The following SMYD3 variants were observed in gnomAD, a reference collection of about 807,000 sequenced individuals.
The protein encoded by SMYD3 is histone-lysine N-methyltransferase SMYD3.
Under a neutral mutation model 57.7 loss-of-function variants are expected in SMYD3, and 36 were observed. The observed-to-expected ratio is 0.62, with a 90% CI of 0.48 to 0.82. SMYD3 has a LOEUF of 0.82. Among genes scored for constraint, SMYD3 ranks in the 40% least tolerant of loss-of-function variants. SMYD3 has a pLI of 0.00. For missense variants in SMYD3, 515 were observed against 538.8 expected (o/e 0.96, Z 0.44); for synonymous variants, 211 against 195.0 (o/e 1.08, Z -0.68).
At chr1:246,084,381 A>G (rs2060691948) in intron 5 of SMYD3, among the ~76,000 whole-genome samples, 1 of 151,640 alleles carries the variant, frequency 6.6e-6, no homozygotes. Flanking sequence ...ATGCCCAGCT[A>G]TTTTTTGTAT....
chr1:246,145,274 T>C (rs2061825096), intron 5 of SMYD3, among the ~76,000 whole-genome samples: 1 of 152,204 alleles, frequency 6.6e-6, no homozygotes, highest in Non-Finnish European at 1.5e-5. Context: ...GAAAGCGGTA[T>C]AACATCTAAC....
At chr1:246,415,925 T>G (rs1031652127) in intron 1 of SMYD3, among the ~76,000 whole-genome samples, 1 of 152,212 alleles carries the variant, frequency 6.6e-6, no homozygotes, top group Admixed American at 6.5e-5. Context: ...TGTTATGCCT[T>G]GAACTGCATA....
At chr1:245,797,720 AAAAG>A (rs2047602026) in intron 10 of SMYD3, among the ~76,000 whole-genome samples, 1 of 151,872 alleles carries the variant, frequency 6.6e-6, no homozygotes. Flanking sequence ...AAAGAAAAGA[AAAAG>A]AAACGGCCAA....
intron 1 of SMYD3, among the ~76,000 whole-genome samples, chr1:246,467,174 A>T (rs774343446): frequency 5.2e-4 from 79 of 152,188 alleles, no homozygotes; most frequent in South Asian, 2.1e-3. Flanking sequence ...CATCTCAAAA[A>T]AAATAAATAA....
At chr1:246,381,396 T>C (rs1038448007) in intron 1 of SMYD3, among the ~76,000 whole-genome samples, 3 of 152,226 alleles carry the variant, frequency 2.0e-5, no homozygotes, top group Admixed American at 2.0e-4. Context: ...ATGATAAACT[T>C]GGGATGGCAT....
At chr1:246,086,551 G>A (rs1302083728) in intron 5 of SMYD3, among the ~76,000 whole-genome samples, 1 of 140,082 alleles carries the variant, frequency 7.1e-6, no homozygotes, top group African/African-American at 2.7e-5. Flanking sequence ...CTAAGTACTT[G>A]ATGCTTTTTA....
chr1:245,891,950 A>G (rs1243974491), intron 8 of SMYD3, among the ~76,000 whole-genome samples: 2 of 152,134 alleles, frequency 1.3e-5, no homozygotes, highest in Non-Finnish European at 2.9e-5. Flanking sequence ...GGAGGCTGAC[A>G]TGGGAGGATT....
At chr1:245,955,442 T>C (rs991354633) in intron 5 of SMYD3, among the ~76,000 whole-genome samples, 1 of 152,198 alleles carries the variant, frequency 6.6e-6, no homozygotes, top group African/African-American at 2.4e-5. Flanking sequence ...AGCTTTTATA[T>C]CTTTATTCAT....
intron 1 of SMYD3, among the ~76,000 whole-genome samples, chr1:246,460,984 C>T (rs1206755380): frequency 3.9e-5 from 6 of 152,170 alleles, no homozygotes; most frequent in Admixed American, 1.3e-4. Flanking sequence ...TACAAGGCTA[C>T]AAGCCATGAC....
intron 7 of SMYD3, among the ~76,000 whole-genome samples, chr1:245,921,546 G>GATATATATAT (rs2055930181): frequency 4.1e-5 from 1 of 24,592 alleles, no homozygotes; most frequent in Non-Finnish European, 8.9e-5. Context: ...TAAAAAATGT[G>GATATATATAT]GTGTATATAT....
chr1:246,432,393 T>C (rs1472755405), intron 1 of SMYD3, among the ~76,000 whole-genome samples: 1 of 152,188 alleles, frequency 6.6e-6, no homozygotes, highest in Non-Finnish European at 1.5e-5. Flanking sequence ...CACAAAAAGA[T>C]TTTAAAGGAG....
intron 5 of SMYD3, among the ~76,000 whole-genome samples, chr1:246,249,083 A>AT (rs1384783244): frequency 1.3e-5 from 2 of 151,500 alleles, no homozygotes; most frequent in African/African-American, 2.4e-5. Context: ...TTAGTATTTG[A>AT]TTTTTTTATA....
chr1:245,823,228 G>T (rs1447962966), intron 10 of SMYD3, among the ~76,000 whole-genome samples: 1 of 152,212 alleles, frequency 6.6e-6, no homozygotes, highest in Non-Finnish European at 1.5e-5. Context: ...CTTCTACATT[G>T]TTCAGGACGA....
At chr1:245,821,198 G>A (rs1183769339) in intron 10 of SMYD3, among the ~76,000 whole-genome samples, 1 of 149,962 alleles carries the variant, frequency 6.7e-6, no homozygotes, top group African/African-American at 2.4e-5. Flanking sequence ...CCAAAACAGA[G>A]ATATAGATCA....
Position 246,357,649 on chromosome 1 carries a change from T to C in SMYD3, c.165-2555A>G, listed in dbSNP as rs964474500. On this transcript the variant is annotated intron_variant, in intron 1 of 11. Transcript: ENST00000490107. Reference sequence around the variant, plus strand: ...CAAAACCCTATAAGCTAGAAGGGATTGGGGTCCTATTTTTAGCCTCCTTAA... The same window carrying C: ...CAAAACCCTATAAGCTAGAAGGGATCGGGGTCCTATTTTTAGCCTCCTTAA... Among the ~76,000 whole-genome samples, 35 of 152,186 alleles carry C rather than the reference T, an allele frequency of 2.3e-4. 1 individual carries two copies. The highest frequency in any genetic ancestry group is 8.2e-4 in the African/African-American group (34 of 41,450).
intron 5 of SMYD3, chr1:246,322,376 G>A (rs914930916): frequency 6.6e-6 from 1 of 151,438 alleles, no homozygotes; most frequent in African/African-American, 2.4e-5. Context: ...CCAAAGAGGG[G>A]GAAAAAAATC....
chr1:246,412,273 C>G (rs1191679120), intron 1 of SMYD3, among the ~76,000 whole-genome samples: 1 of 152,228 alleles, frequency 6.6e-6, no homozygotes, highest in African/African-American at 2.4e-5. Flanking sequence ...TGACTGAACA[C>G]AGGACTGCTG....
chr1:245,781,403 A>G (rs975574110), intron 10 of SMYD3, among the ~76,000 whole-genome samples: 1 of 152,200 alleles, frequency 6.6e-6, no homozygotes, highest in Non-Finnish European at 1.5e-5. Context: ...TGATTACGGA[A>G]TTCTTAACCA....
chr1:246,384,964 G>A (rs1292431058), intron 1 of SMYD3, among the ~76,000 whole-genome samples: 3 of 151,988 alleles, frequency 2.0e-5, no homozygotes, highest in African/African-American at 7.3e-5. Context: ...CTTACGCAGT[G>A]ATAAATACCT....
Sources: allele counts gnomAD v4.1 joint callset (sites outside exome capture counted in the v4.1 genomes callset), GRCh38; gene constraint gnomAD v4.1.1; transcripts MANE v1.5; gene names NCBI Gene and HGNC (gene_info 2026-07-23, HGNC 2026-07-21).